PCDHA1: variants seen among roughly 807,000 people sequenced by gnomAD.
PCDHA1 encodes the protein protocadherin alpha-1.
A neutral mutation model predicts 61.3 loss-of-function variants in PCDHA1; 42 were observed. The ratio of observed to expected loss-of-function variants is 0.69; its 90% CI spans 0.54 to 0.89. The LOEUF is 0.89. PCDHA1 is among the 40% of genes least tolerant of loss of function. The pLI is 0.00. For missense variants in PCDHA1, 1,256 were observed against 1,235.3 expected, an observed-to-expected ratio of 1.02 and a Z score of -0.25; for synonymous variants, 610 against 553.8, an observed-to-expected ratio of 1.10 and a Z score of -1.43.
chr5:140,823,732 CA>C, intron 1 of PCDHA1: 1 of 1,613,860 alleles, frequency 6.2e-7, no homozygotes, highest in Non-Finnish European at 8.5e-7. Context: ...GGTGAAGGAC[CA>C]TGGAGAGCCC....
At chr5:140,906,059 G>A (rs1583580035) in intron 1 of PCDHA1, among the ~76,000 whole-genome samples, 1 of 152,158 alleles carries the variant, frequency 6.6e-6, no homozygotes, top group South Asian at 2.1e-4. Flanking sequence ...TGCACTGGCA[G>A]CTGATTAGAT....
intron 1 of PCDHA1, chr5:140,822,563 T>A: frequency 1.9e-6 from 3 of 1,613,440 alleles, no homozygotes; most frequent in Non-Finnish European, 2.5e-6. Context: ...GTTATTAAAC[T>A]GAACGCCTCA....
At chr5:140,834,553 C>T (rs2150220861) in intron 1 of PCDHA1, 19 of 1,614,022 alleles carry the variant, frequency 1.2e-5, no homozygotes, top group Non-Finnish European at 1.6e-5. Flanking sequence ...CTGGAGCTGG[C>T]GGAGCTGGTG....
chr5:140,829,517 A>G, intron 1 of PCDHA1: 1 of 1,613,440 alleles, frequency 6.2e-7, no homozygotes. Context: ...CCACATCTTC[A>G]CGGTGTCTGC....
intron 1 of PCDHA1, chr5:140,870,875 C>T (rs1235290760): frequency 3.7e-6 from 6 of 1,613,912 alleles, no homozygotes; most frequent in Non-Finnish European, 5.1e-6. Context: ...CACGTGGTGG[C>T]GAAGGTGCGC....
rs2150336569 is a variant in PCDHA1 at position 140,842,461 on chromosome 5, T to C, written c.2394+53777T>C. 48 of 1,613,688 alleles carry C rather than the reference T, an allele frequency of 3.0e-5. 1 individual carries two copies. Among genetic ancestry groups the C allele is most frequent in the Middle Eastern group, 3.3e-4 (2 of 6,082 alleles). On this transcript the variant is annotated intron_variant, in intron 1 of 3. Coordinates refer to ENST00000504120, the MANE Select transcript of PCDHA1 (RefSeq NM_018900.4). ...TTAGCGTGAACGACCTCGATTCAGG[T>C]GCCAACGGGCAGGTGACCTGCTCCC...
intron 1 of PCDHA1, chr5:140,968,527 G>A (rs782634339): frequency 9.3e-6 from 15 of 1,614,142 alleles, no homozygotes; most frequent in Middle Eastern, 1.6e-4. Flanking sequence ...CAACCAACTC[G>A]TCAGCAGCCT....
intron 3 of PCDHA1, among the ~76,000 whole-genome samples, chr5:141,009,094 C>A (rs1350235475): frequency 6.6e-6 from 1 of 152,176 alleles, no homozygotes; most frequent in Non-Finnish European, 1.5e-5. Context: ...AAGAACCAAA[C>A]ATATGTTACT....
At chr5:140,850,241 GCGGT>G in intron 1 of PCDHA1, 1 of 1,593,924 alleles carries the variant, frequency 6.3e-7, no homozygotes, top group Non-Finnish European at 8.6e-7. Context: ...AGATGGTGCT[GCGGT>G]CGGTGGGCGC....
intron 1 of PCDHA1, among the ~76,000 whole-genome samples, chr5:140,940,019 T>C (rs1554213082): frequency 6.6e-6 from 1 of 152,230 alleles, no homozygotes; most frequent in East Asian, 1.9e-4. Context: ...TTGTGTCATA[T>C]GTTTTAAGGC....
At position 140,796,614 on chromosome 5, in the gene PCDHA1, G is replaced by A. The variant is rs544759315; in HGVS notation, c.2394+7930G>A. 27 of 1,612,474 alleles carry A rather than the reference G, an allele frequency of 1.7e-5. No homozygotes were observed. In the Admixed American group the frequency reaches 2.2e-4, roughly 13 times the overall value. On this transcript the variant is annotated intron_variant, in intron 1 of 3. Coordinates refer to ENST00000504120, the MANE Select transcript of PCDHA1 (RefSeq NM_018900.4). ...TGCCGCCTCTGGGCAGCAACGTGAC[G>A]CTGCAGGTGTTCGTGCTGGACGAGA...
At chr5:140,924,223 T>A (rs2081726593) in intron 1 of PCDHA1, among the ~76,000 whole-genome samples, 1 of 152,230 alleles carries the variant, frequency 6.6e-6, no homozygotes, top group South Asian at 2.1e-4. Context: ...ATAAGTTCAA[T>A]TTTTATGGGC....
intron 1 of PCDHA1, among the ~76,000 whole-genome samples, chr5:140,924,229 T>G (rs543275737): frequency 6.6e-6 from 1 of 152,258 alleles, no homozygotes; most frequent in Non-Finnish European, 1.5e-5. Flanking sequence ...TCAATTTTTA[T>G]GGGCTGTTTT....
intron 1 of PCDHA1, chr5:140,812,673 G>A (rs1219098987): frequency 1.3e-5 from 2 of 152,072 alleles, no homozygotes; most frequent in African/African-American, 2.4e-5. Context: ...ATGTACAGAG[G>A]CACGATCATA....
chr5:140,904,747 A>T (rs1462923024), intron 1 of PCDHA1, among the ~76,000 whole-genome samples: 1 of 151,918 alleles, frequency 6.6e-6, no homozygotes, highest in Non-Finnish European at 1.5e-5. Context: ...TATTATGACC[A>T]TTTTTGCAAG....
intron 1 of PCDHA1, chr5:140,810,526 G>C (rs1554125506): frequency 6.6e-6 from 1 of 152,110 alleles, no homozygotes; most frequent in Non-Finnish European, 1.5e-5. Flanking sequence ...ATTTTACTGG[G>C]TGACTTTTGT....
chr5:140,802,849 T>C, intron 1 of PCDHA1: 4 of 1,613,748 alleles, frequency 2.5e-6, no homozygotes, highest in Non-Finnish European at 3.4e-6. Flanking sequence ...AACGTGACGC[T>C]GCAGGTGTTC....
At chr5:140,829,270 C>G (rs2150165007) in intron 1 of PCDHA1, 4 of 1,614,142 alleles carry the variant, frequency 2.5e-6, no homozygotes, top group African/African-American at 1.3e-5. Flanking sequence ...CGCCTCACGT[C>G]CCTTTCAAGC....
chr5:140,882,204 G>T, intron 1 of PCDHA1: 1 of 1,530,664 alleles, frequency 6.5e-7, no homozygotes. Flanking sequence ...ATTGGGCCTT[G>T]AGAGACAGTT....
Sources: allele counts gnomAD v4.1 joint callset (sites outside exome capture counted in the v4.1 genomes callset), GRCh38; gene constraint gnomAD v4.1.1; transcripts MANE v1.5; gene names NCBI Gene and HGNC (gene_info 2026-07-23, HGNC 2026-07-21).